The following EVI5 variants were observed in gnomAD, a reference collection of about 807,000 sequenced individuals.
The protein encoded by EVI5 is ecotropic viral integration site 5 protein homolog.
In EVI5, 73 loss-of-function variants were observed where a neutral mutation model predicts 112.0. That is an observed-to-expected ratio of 0.65 (90% CI 0.54 to 0.79). The LOEUF is 0.79. EVI5 is among the 30% of genes least tolerant of loss of function. The pLI is 0.00. For missense variants in EVI5, 900 were observed against 968.8 expected, an observed-to-expected ratio of 0.93 and a Z score of 0.94; for synonymous variants, 305 against 319.9, an observed-to-expected ratio of 0.95 and a Z score of 0.50.
chr1:92,754,667 C>T (rs1680644870), intron 1 of EVI5, among the ~76,000 whole-genome samples: 1 of 152,182 alleles, frequency 6.6e-6, no homozygotes, highest in African/African-American at 2.4e-5. Context: ...CATAAGACTG[C>T]TGAGTATCTT....
chr1:92,774,346 TTTA>T (rs1683839476), intron 1 of EVI5, among the ~76,000 whole-genome samples: 2 of 152,172 alleles, frequency 1.3e-5, no homozygotes, highest in Non-Finnish European at 2.9e-5. Flanking sequence ...AAGCTACACT[TTTA>T]TACAGTATCT....
chr1:92,551,234 T>C (rs1666890289), intron 19 of EVI5, among the ~76,000 whole-genome samples: 1 of 150,026 alleles, frequency 6.7e-6, no homozygotes, highest in African/African-American at 2.5e-5. Context: ...GGTTTCTCCA[T>C]GTTGCTCAGG....
intron 1 of EVI5, among the ~76,000 whole-genome samples, chr1:92,754,386 TTAC>T (rs1239437391): frequency 1.3e-5 from 2 of 152,170 alleles, no homozygotes; most frequent in African/African-American, 4.8e-5. Context: ...ATGGAAACAA[TTAC>T]AAGTCTCTTT....
intron 1 of EVI5, among the ~76,000 whole-genome samples, chr1:92,762,580 A>G (rs1022821191): frequency 6.6e-6 from 1 of 152,248 alleles, no homozygotes; most frequent in African/African-American, 2.4e-5. Flanking sequence ...AAAACATAGC[A>G]TATCAGAATA....
chr1:92,769,342 A>G (rs928224979), intron 1 of EVI5, among the ~76,000 whole-genome samples: 2 of 152,246 alleles, frequency 1.3e-5, no homozygotes, highest in East Asian at 3.8e-4. Context: ...ATTTAGGTAT[A>G]TATGTAATGT....
intron 1 of EVI5, among the ~76,000 whole-genome samples, chr1:92,766,528 A>C (rs973445093): frequency 2.0e-5 from 3 of 152,224 alleles, no homozygotes; most frequent in Non-Finnish European, 4.4e-5. Flanking sequence ...TCCCTGCCCA[A>C]TGTGAAATAA....
chr1:92,734,224 A>T (rs1338993080), intron 2 of EVI5, among the ~76,000 whole-genome samples: 1 of 152,198 alleles, frequency 6.6e-6, no homozygotes, highest in East Asian at 1.9e-4. Context: ...ACTTAACTGC[A>T]TTGGGGCATA....
Position 92,563,740 on chromosome 1 carries a change from G to A in EVI5, c.2071-3C>T, listed in dbSNP as rs1668981136. Reference sequence around the variant, plus strand: ...CCTTGAAGCTTTCCTTCTTCTTTCTGTTTTGTGACAAAACAACAAAGCAAA... The same window carrying A: ...CCTTGAAGCTTTCCTTCTTCTTTCTATTTTGTGACAAAACAACAAAGCAAA... On this transcript the variant is annotated splice_region_variant and splice_polypyrimidine_tract_variant and intron_variant, in intron 18 of 19. Transcript: ENST00000684568. 1 of 1,591,094 alleles carries A rather than the reference G, an allele frequency of 6.3e-7. No individual in the cohort carries two copies. Among genetic ancestry groups the A allele is most frequent in the South Asian group, 1.1e-5 (1 of 88,978 alleles).
chr1:92,560,634 T>C (rs1668379879), intron 19 of EVI5, among the ~76,000 whole-genome samples: 1 of 152,164 alleles, frequency 6.6e-6, no homozygotes, highest in South Asian at 2.1e-4. Flanking sequence ...TGATCACGGT[T>C]CACTGCAGCC....
intron 2 of EVI5, among the ~76,000 whole-genome samples, chr1:92,722,443 C>G (rs1278073859): frequency 1.3e-5 from 2 of 151,608 alleles, no homozygotes; most frequent in East Asian, 3.9e-4. Flanking sequence ...TTAGGTATAT[C>G]TCCTAATGCT....
chr1:92,682,428 AT>A (rs1667742584), intron 9 of EVI5, among the ~76,000 whole-genome samples: 1 of 152,028 alleles, frequency 6.6e-6, no homozygotes, highest in Non-Finnish European at 1.5e-5. Context: ...ATCAGCAGGG[AT>A]TTTCTGTTGC....
chr1:92,723,880 C>T (rs1675140362), intron 2 of EVI5, among the ~76,000 whole-genome samples: 1 of 152,160 alleles, frequency 6.6e-6, no homozygotes, highest in African/African-American at 2.4e-5. Flanking sequence ...TGAACGGCTG[C>T]TCTGGGAATG....
At chr1:92,651,394 G>A (rs563128684) in intron 13 of EVI5, among the ~76,000 whole-genome samples, 31 of 151,988 alleles carry the variant, frequency 2.0e-4, no homozygotes, top group Admixed American at 1.5e-3. Context: ...ACAAAATCTC[G>A]GTCAAAAAAT....
intron 18 of EVI5, among the ~76,000 whole-genome samples, chr1:92,571,054 T>C (rs1670254904): frequency 6.6e-6 from 1 of 151,716 alleles, no homozygotes; most frequent in Non-Finnish European, 1.5e-5. Flanking sequence ...AATTATATAG[T>C]TGTCTTATTT....
chr1:92,591,698 A>G (rs889924190), intron 18 of EVI5, among the ~76,000 whole-genome samples: 1 of 152,202 alleles, frequency 6.6e-6, no homozygotes, highest in African/African-American at 2.4e-5. Context: ...CATTAGACAG[A>G]TCGAGACAGA....
At position 92,703,596 on chromosome 1, in the gene EVI5, G is replaced by C. The variant is rs750901743; in HGVS notation, c.363C>G (p.Pro121=). 1 of 1,580,056 alleles carries C rather than the reference G, an allele frequency of 6.3e-7. No homozygotes were observed. Among genetic ancestry groups the C allele is most frequent in the African/African-American group, 1.4e-5 (1 of 72,892 alleles). The part of the protein sequence containing the change: ...QVKELVHKGI[P]HHFRAIVWQL... ...GCCAAACTATTGCTCTAAAGTGATG[G>C]GGTATCCCTTTATGAACAAGTTCCT... is the stretch of plus-strand genomic sequence containing the variant. Residue 121 remains proline (P), a synonymous_variant, in exon 4 of 20, where the codon CCC becomes CCG. Coordinates refer to ENST00000684568, the MANE Select transcript of EVI5 (RefSeq NM_001350197.2).
At chr1:92,677,788 T>C (rs923956071) in intron 9 of EVI5, among the ~76,000 whole-genome samples, 8 of 152,172 alleles carry the variant, frequency 5.3e-5, no homozygotes, top group Non-Finnish European at 1.2e-4. Flanking sequence ...AAATTATCTC[T>C]CCTAAAATAT....
intron 18 of EVI5, among the ~76,000 whole-genome samples, chr1:92,602,918 A>G (rs1649498638): frequency 6.6e-6 from 1 of 152,182 alleles, no homozygotes; most frequent in Admixed American, 6.5e-5. Context: ...CAACAAACAT[A>G]ATGGGAGAAA....
chr1:92,694,121 G>C (rs1669926414), intron 8 of EVI5, among the ~76,000 whole-genome samples, 178 bp downstream of exon 8: 1 of 152,042 alleles, frequency 6.6e-6, no homozygotes, highest in Non-Finnish European at 1.5e-5. Flanking sequence ...ACTTAGCCAG[G>C]TGTAGTGGTG....
Sources: gnomAD v4.1 joint callset for allele counts (sites outside exome capture counted in the v4.1 genomes callset) on GRCh38, gnomAD v4.1.1 for gene constraint, MANE v1.5 for transcripts, NCBI Gene and HGNC (gene_info 2026-07-23, HGNC 2026-07-21) for gene names.